Variants in SMURF2 observed in about 807,000 individuals in gnomAD.
SMURF2 encodes SMAD specific E3 ubiquitin protein ligase 2.
A neutral mutation model predicts 109.6 loss-of-function variants in SMURF2; 48 were observed. The ratio of observed to expected loss-of-function variants is 0.44; its 90% confidence interval spans 0.35 to 0.56. SMURF2 has a LOEUF of 0.56. Among genes scored for constraint, SMURF2 ranks in the 20% least tolerant of loss-of-function variants. The pLI, the probability that SMURF2 is intolerant of heterozygous loss-of-function variation, is 0.01. For missense variants in SMURF2, 575 were observed against 909.0 expected (o/e 0.63, Z 4.72); for synonymous variants, 288 against 317.1 (o/e 0.91, Z 0.97).
At chr17:64,654,097 G>A (rs1970674507) in intron 1 of SMURF2, among the ~76,000 whole-genome samples, 1 of 152,176 alleles carries the variant, frequency 6.6e-6, no homozygotes, top group South Asian at 2.1e-4. Flanking sequence ...CTACAAAGAG[G>A]TAAGAGAAAA....
rs1968895467 is a variant in SMURF2 at position 64,542,977 on chromosome 17, T to A, written c.*2871A>T. The A allele has an allele frequency of 6.6e-6, 1 of 152,120 alleles. No homozygotes were observed. 9.4% of individuals were successfully genotyped at this position (152,120 alleles called of 1,614,324 possible). Reference sequence around the variant, plus strand: ...ACTGCCTATGAGCTCTACAAAGGAATCTCTGTTCATAACTAAGCATTCATG... The same window carrying A: ...ACTGCCTATGAGCTCTACAAAGGAAACTCTGTTCATAACTAAGCATTCATG... On this transcript the variant is annotated 3_prime_UTR_variant, in exon 19 of 19. Coordinates refer to ENST00000262435, the MANE Select transcript of SMURF2 (RefSeq NM_022739.4).
chr17:64,599,896 G>A (rs1969870443), intron 2 of SMURF2, among the ~76,000 whole-genome samples: 2 of 152,192 alleles, frequency 1.3e-5, no homozygotes, highest in Admixed American at 6.5e-5. Context: ...ATATTTAAAA[G>A]ACTTTGAAGA....
chr17:64,586,476 C>A (rs1416433846), intron 5 of SMURF2, among the ~76,000 whole-genome samples: 1 of 152,016 alleles, frequency 6.6e-6, no homozygotes, highest in Non-Finnish European at 1.5e-5. Context: ...TAGCTGGGCG[C>A]GGTGGCTCAT....
At chr17:64,639,422 C>G (rs1970464973) in intron 1 of SMURF2, among the ~76,000 whole-genome samples, 1 of 151,894 alleles carries the variant, frequency 6.6e-6, no homozygotes, top group Non-Finnish European at 1.5e-5. Flanking sequence ...ACTAAAAATA[C>G]AAAAATTAGC....
intron 1 of SMURF2, among the ~76,000 whole-genome samples, chr17:64,626,344 T>G (rs1326970290): frequency 7.2e-5 from 11 of 152,134 alleles, no homozygotes; most frequent in African/African-American, 2.7e-4. Flanking sequence ...TATAGCCATG[T>G]TTTCCAAATA....
chr17:64,602,304 GT>G (rs1391589552), intron 2 of SMURF2, among the ~76,000 whole-genome samples: 1 of 151,894 alleles, frequency 6.6e-6, no homozygotes, highest in Non-Finnish European at 1.5e-5. Flanking sequence ...AACACCATCT[GT>G]TCCCCCAAAA....
At chr17:64,559,333 T>A (rs1341651996) in intron 12 of SMURF2, among the ~76,000 whole-genome samples, 1 of 152,106 alleles carries the variant, frequency 6.6e-6, no homozygotes, top group South Asian at 2.1e-4. Flanking sequence ...CGGTGGCTCA[T>A]GACTGTAATC....
chr17:64,547,588 TC>T lies in SMURF2; in HGVS notation c.2071+11del. 7.0e-7 allele frequency: 1 copy of T among 1,429,832 alleles called. No individual in the cohort carries two copies. The allele number at this position is 1,429,832 out of a possible 1,614,324, so 88.6% of individuals were successfully genotyped here. A position where few individuals can be genotyped will look rare whatever the true frequency, so the allele number is the denominator to read the frequency against. Reference sequence around the variant, plus strand: ...ACCCGCTGCCCAGCTTGCCTGCACCTCAGGCTGTTACCTTGCAATGCTTTGA... The same window carrying T: ...ACCCGCTGCCCAGCTTGCCTGCACCTAGGCTGTTACCTTGCAATGCTTTGA... On this transcript the variant is annotated intron_variant, in intron 17 of 18. Transcript: ENST00000262435. The surrounding 1 kb of genome is among the most constrained non-coding windows in gnomAD (Gnocchi z 4.2).
At chr17:64,577,941 CTTTTTTTTTTT>C (rs1157721982) in intron 9 of SMURF2, among the ~76,000 whole-genome samples, 2 of 121,206 alleles carry the variant, frequency 1.7e-5, no homozygotes, top group African/African-American at 3.1e-5. Flanking sequence ...TTTCATTCCA[CTTTTTTTTTTT>C]TTTTTTTTTT....
At chr17:64,640,236 T>C (rs1163360807) in intron 1 of SMURF2, among the ~76,000 whole-genome samples, 2 of 152,184 alleles carry the variant, frequency 1.3e-5, no homozygotes, top group Non-Finnish European at 2.9e-5. Context: ...CAGGATATTA[T>C]GGAGGTAGCA....
rs1179981762 is a variant in SMURF2, at chr17:64,662,180, T to C, written c.-300A>G. ...CCGCCTCCTCGCGGCCGCCGAGGCC[T>C]TTCCCTCCTCTCGTCTCGGCGAGGC... On this transcript the variant is annotated 5_prime_UTR_variant, in exon 1 of 19. Transcript: ENST00000262435. 153 of 1,035,742 alleles carry C rather than the reference T, an allele frequency of 1.5e-4. No individual in the cohort carries two copies. The highest frequency in any genetic ancestry group is 1.7e-4 in the Non-Finnish European group (147 of 863,774). The allele number at this position is 1,035,742 out of a possible 1,614,324, so 64.2% of individuals were successfully genotyped here.
intron 5 of SMURF2, among the ~76,000 whole-genome samples, chr17:64,587,205 A>G (rs1969676074): frequency 6.6e-6 from 1 of 152,122 alleles, no homozygotes; most frequent in Non-Finnish European, 1.5e-5. Flanking sequence ...AATAAATAAA[A>G]ATACACTGTA....
chr17:64,650,507 A>G (rs1180818758), intron 1 of SMURF2, among the ~76,000 whole-genome samples: 7 of 152,036 alleles, frequency 4.6e-5, no homozygotes, highest in African/African-American at 1.7e-4. Context: ...TCTGCCTCCA[A>G]TTCTATACTC....
At chr17:64,596,603 A>AAAAAAAAG (rs1969822321) in intron 3 of SMURF2, among the ~76,000 whole-genome samples, 1 of 147,932 alleles carries the variant, frequency 6.8e-6, no homozygotes, top group Non-Finnish European at 1.5e-5. Context: ...AAAAAAAAAA[A>AAAAAAAAG]AAAAAAGGAA....
At chr17:64,569,278 G>C (rs1305771321) in intron 10 of SMURF2, among the ~76,000 whole-genome samples, 1 of 151,646 alleles carries the variant, frequency 6.6e-6, no homozygotes, top group East Asian at 1.9e-4. Context: ...TCCAGCCTGG[G>C]TGACAACAGG....
chr17:64,648,613 A>C (rs1970592871), intron 1 of SMURF2, among the ~76,000 whole-genome samples: 1 of 152,148 alleles, frequency 6.6e-6, no homozygotes, highest in Non-Finnish European at 1.5e-5. Context: ...TTCTACAAAA[A>C]ATTTAAAAAT....
chr17:64,582,332 G>C (rs1969589663), intron 7 of SMURF2, among the ~76,000 whole-genome samples: 2 of 152,176 alleles, frequency 1.3e-5, no homozygotes, highest in South Asian at 4.1e-4. Flanking sequence ...TGCTCAAGAA[G>C]GGGAAAACAG....
chr17:64,608,183 T>G (rs1273282094), intron 1 of SMURF2, among the ~76,000 whole-genome samples: 1 of 152,052 alleles, frequency 6.6e-6, no homozygotes, highest in African/African-American at 2.4e-5. Flanking sequence ...TCTATCCACT[T>G]CTACTAACAG....
chr17:64,578,266 A>G (rs1370706406), intron 9 of SMURF2, among the ~76,000 whole-genome samples: 2 of 151,834 alleles, frequency 1.3e-5, no homozygotes, highest in African/African-American at 4.8e-5. Flanking sequence ...TTTTAAGGGG[A>G]AGCAGGGGAG....
Sources: gnomAD v4.1 joint callset for allele counts (sites outside exome capture counted in the v4.1 genomes callset) on GRCh38, gnomAD v4.1.1 for gene constraint, Gnocchi (gnomAD v3.1) non-coding constraint, MANE v1.5 for transcripts, NCBI Gene and HGNC (gene_info 2026-07-23, HGNC 2026-07-21) for gene names.